NEB: variants seen among roughly 807,000 people sequenced by gnomAD.
NEB encodes nemaline myopathy type 2.
NEB carries 512 observed loss-of-function variants against 952.2 expected under a neutral mutation model. That is an observed-to-expected ratio of 0.54 (90% CI 0.50 to 0.58). The LOEUF (loss-of-function observed/expected upper bound fraction) is 0.58. Ranked by LOEUF, NEB falls within the 20% of genes least tolerant of loss-of-function variation. The pLI, the probability that NEB is intolerant of heterozygous loss-of-function variation, is 0.00. For missense variants in NEB, 8,428 were observed against 9,231.1 expected, an observed-to-expected ratio of 0.91 and a Z score of 3.56; for synonymous variants, 2,900 against 3,149.8, an observed-to-expected ratio of 0.92 and a Z score of 2.66.
chr2:151,696,818 A>G, intron 16 of NEB, 83 bp from the exon 17 acceptor site: 2 of 951,196 alleles, frequency 2.1e-6, no homozygotes. Context: ...ATAGAACCTC[A>G]TGCCCCACAA....
intron 135 of NEB, among the ~76,000 whole-genome samples, chr2:151,545,528 T>A (rs2094567868): frequency 6.6e-6 from 1 of 151,948 alleles, no homozygotes; most frequent in South Asian, 2.1e-4. Context: ...TGAGCCGAGA[T>A]TGCGCCATTG....
In NEB at chr2:151,575,723, G is replaced by T; in HGVS notation, c.16985C>A (p.Ala5662Asp). 6.2e-7 allele frequency: 1 copy of T among 1,606,996 alleles called. No individual in the cohort carries two copies. Among genetic ancestry groups the T allele is most frequent in the Non-Finnish European group, 8.5e-7 (1 of 1,173,534 alleles). The change falls in exon 107 of 182, where the codon GCT (alanine) becomes GAT (aspartate). Residue 5662 changes from alanine (A) to aspartate (D), a missense_variant. Ala to Asp is a moderately radical substitution (Grantham distance 126). Transcript: ENST00000397345. ...GCTCACATTAAGAGCATTTGCTCTA[G>T]CGAGATTAATTTCTGGAGTATCTGG... The part of the protein sequence containing the change: ...IMPDTPEINL[A>D]RANALNVSNK...
At chr2:151,535,841 C>A in intron 141 of NEB, 46 bp from the exon 142 acceptor site, 2 of 1,021,106 alleles carry the variant, frequency 2.0e-6, no homozygotes, top group Admixed American at 2.1e-5. Flanking sequence ...CTATGATTAT[C>A]TTAAGAATGA....
intron 9 of NEB, among the ~76,000 whole-genome samples, chr2:151,723,081 T>C (rs889915105): frequency 7.9e-5 from 12 of 152,170 alleles, no homozygotes; most frequent in African/African-American, 2.2e-4. Flanking sequence ...CATGCTCTAA[T>C]GGGAAGAATA....
At chr2:151,519,966 T>C (rs1398070123) in intron 153 of NEB, 198 bp from the exon 154 acceptor site, 1 of 445,096 alleles carries the variant, frequency 2.2e-6, no homozygotes, top group African/African-American at 2.0e-5. Context: ...CATTCAAATA[T>C]ATGATCACTG....
Position 151,537,958 on chromosome 2 carries a change from A to G in NEB, c.21016T>C (p.Tyr7006His). Residue 7006 changes from tyrosine to histidine, a missense_variant, in exon 140 of 182, where the codon TAC becomes CAC. Tyr to His is a moderately conservative substitution (Grantham distance 83, BLOSUM62 2). Coordinates refer to ENST00000397345, the MANE Select transcript of NEB (RefSeq NM_001164508.2). ...CTCCAGATACCCAACTGGCTCATGT[A>G]GTTCTCCTTGTATTTTATCTGTTAT... is the stretch of plus-strand genomic sequence containing the variant. ...DISKIKYKEN[Y>H]MSQLGIWRSI... The G allele has an allele frequency of 1.2e-6, 2 of 1,613,246 alleles. No individual in the cohort carries two copies. Among genetic ancestry groups the G allele is most frequent in the South Asian group, 2.2e-5 (2 of 91,010 alleles).
intron 155 of NEB, among the ~76,000 whole-genome samples, 179 bp from the exon 156 acceptor site, chr2:151,518,601 C>T (rs531442897): frequency 7.9e-5 from 12 of 152,188 alleles, no homozygotes; most frequent in Non-Finnish European, 1.2e-4. Flanking sequence ...CAGTATTGTC[C>T]GTTAAGATGT....
chr2:151,567,050 G>C lies in NEB; in HGVS notation c.18156+118C>G, dbSNP rs2096435140. The C allele has an allele frequency of 5.4e-6, 5 of 920,474 alleles. No homozygotes were observed. In the South Asian group the frequency reaches 1.0e-4, roughly 19 times the overall value. 57.0% of individuals were successfully genotyped at this position (920,474 alleles called of 1,614,324 possible). On this transcript the variant is annotated intron_variant, in intron 114 of 181. Coordinates refer to ENST00000397345, the MANE Select transcript of NEB (RefSeq NM_001164508.2). ...TCATATCCAGCCTCAATTCCCTTTGGGAACAAATTAAATATCGATGGCCTC... is the reference window on the plus strand; with the variant it reads ...TCATATCCAGCCTCAATTCCCTTTGCGAACAAATTAAATATCGATGGCCTC...
intron 9 of NEB, among the ~76,000 whole-genome samples, chr2:151,718,742 T>C (rs1425835158): frequency 6.6e-6 from 1 of 152,154 alleles, no homozygotes; most frequent in Non-Finnish European, 1.5e-5. Context: ...CTTCATTAGC[T>C]CCTTCCCTTC....
intron 166 of NEB, 157 bp downstream of exon 166, chr2:151,503,192 C>T: frequency 1.6e-6 from 1 of 615,588 alleles, no homozygotes; most frequent in Non-Finnish European, 2.8e-6. Context: ...AAATGTGAGT[C>T]ATTTTGTATT....
chr2:151,553,372 T>G, intron 127 of NEB, 26 bp downstream of exon 127: 1 of 1,532,330 alleles, frequency 6.5e-7, no homozygotes, highest in Non-Finnish European at 9.0e-7. Context: ...GGAAATATAC[T>G]AAAGAACAAA....
Position 151,656,267 on chromosome 2 carries a change from A to T in NEB, c.6381T>A (p.Asp2127Glu), listed in dbSNP as rs368302286. 396 of 1,613,614 alleles carry T rather than the reference A, an allele frequency of 2.5e-4. No homozygotes were observed. Among genetic ancestry groups the T allele is most frequent in the Non-Finnish European group, 3.1e-4 (364 of 1,179,710 alleles). The stretch of plus-strand genomic sequence containing the variant: ...TAGTGTTGGTGATGTTGGCTTGGGC[A>T]TCCTTTGCAGCCGTGACACTGAGCA... The part of the protein sequence containing the change: ...ADMLSVTAAK[D>E]AQANITNTNY... Residue 2127 changes from aspartate (D) to glutamate (E), a missense_variant, in exon 49 of 182, where the codon GAT (aspartate) becomes GAA (glutamate). Physicochemically the swap from Asp to Glu is conservative, Grantham distance 45 (BLOSUM62 2). Coordinates refer to ENST00000397345, the MANE Select transcript of NEB (RefSeq NM_001164508.2).
At chr2:151,517,360 C>T (rs1474416594) in intron 156 of NEB, among the ~76,000 whole-genome samples, 1 of 152,158 alleles carries the variant, frequency 6.6e-6, no homozygotes, top group African/African-American at 2.4e-5. Flanking sequence ...GAATAAAGGC[C>T]TGGGGGCACA....
At chr2:151,494,300 A>G in intron 173 of NEB, 47 bp from the exon 174 acceptor site, 1 of 1,297,284 alleles carries the variant, frequency 7.7e-7, no homozygotes, top group Non-Finnish European at 1.1e-6. Flanking sequence ...AAAAGAGTTA[A>G]CAGTTACCAA....
intron 39 of NEB, 25 bp downstream of exon 39, chr2:151,669,002 T>C (rs1173369919): frequency 2.0e-6 from 3 of 1,507,786 alleles, no homozygotes; most frequent in Non-Finnish European, 2.7e-6. Context: ...GCATACGCAA[T>C]ATTAGCACTG....
At chr2:151,509,559 T>C (rs2072316537) in intron 161 of NEB, among the ~76,000 whole-genome samples, 2 of 152,110 alleles carry the variant, frequency 1.3e-5, no homozygotes, top group African/African-American at 4.8e-5. Flanking sequence ...AGGGTTGGAC[T>C]GCTATTTCTC....
At position 151,717,532 on chromosome 2, in the gene NEB, A is replaced by G; in HGVS notation, c.718-12T>C. The G allele has an allele frequency of 6.3e-7, 1 of 1,582,356 alleles. No individual in the cohort carries two copies. Among genetic ancestry groups the G allele is most frequent in the East Asian group, 2.2e-5 (1 of 44,710 alleles). On this transcript the variant is annotated splice_polypyrimidine_tract_variant and intron_variant, in intron 9 of 181. Coordinates refer to ENST00000397345, the MANE Select transcript of NEB (RefSeq NM_001164508.2). ...TTTTTGTAGGCAACCTGATGAAATA[A>G]AAGACAGGGATGTATTTTAAAAACG...
chr2:151,639,937 G>A lies in NEB; in HGVS notation c.8809C>T (p.Pro2937Ser). ...ILSDKIYRQPPDRFKFTSVTD... is the reference protein window; with the variant it reads ...ILSDKIYRQPSDRFKFTSVTD... ...ACACTGGTAAATTTGAATCTGTCTG[G>A]AGGCTGGCGATAGATTTTATCACTC... is the stretch of plus-strand genomic sequence containing the variant. Residue 2937 changes from proline (P) to serine (S), a missense_variant, in exon 62 of 182, where the codon CCA becomes TCA. Around this residue, in one of 11 missense-constraint regions of NEB, gnomAD observed 1,772 missense variants for 1,960.3 expected, o/e 0.90. Coordinates refer to ENST00000397345, the MANE Select transcript of NEB (RefSeq NM_001164508.2). The A allele has an allele frequency of 1.2e-6, 2 of 1,613,940 alleles. No homozygotes were observed. Among genetic ancestry groups the A allele is most frequent in the Non-Finnish European group, 1.7e-6 (2 of 1,179,868 alleles).
chr2:151,709,595 A>G, intron 12 of NEB, 61 bp downstream of exon 12: 1 of 1,339,386 alleles, frequency 7.5e-7, no homozygotes, highest in Non-Finnish European at 1.0e-6. Flanking sequence ...ACAAGAGCCA[A>G]AGTTATAAGA....
Sources: allele counts gnomAD v4.1 joint callset (sites outside exome capture counted in the v4.1 genomes callset), GRCh38; gene constraint gnomAD v4.1.1; regional missense constraint gnomAD v4.1.1; transcripts MANE v1.5; gene names NCBI Gene and HGNC (gene_info 2026-07-23, HGNC 2026-07-21).